Variants in PIP5K1B observed in about 807,000 individuals in gnomAD.
PIP5K1B encodes phosphatidylinositol 4-phosphate 5-kinase type-1 beta.
PIP5K1B carries 42 observed loss-of-function variants against 67.0 expected under a neutral mutation model. The ratio of observed to expected loss-of-function variants is 0.63; its 90% confidence interval spans 0.49 to 0.81. The LOEUF is 0.81. Among genes scored for constraint, PIP5K1B ranks in the 30% least tolerant of loss-of-function variants. The pLI is 0.00. For synonymous variants in PIP5K1B, 214 were observed against 231.4 expected (o/e 0.92, Z 0.68); for missense variants, 459 against 646.3 (o/e 0.71, Z 3.14).
intron 13 of PIP5K1B, among the ~76,000 whole-genome samples, chr9:68,937,702 G>A (rs1266295329): frequency 6.6e-6 from 1 of 152,140 alleles, no homozygotes; most frequent in Non-Finnish European, 1.5e-5. Context: ...ATGTTATGGT[G>A]TCAATTTCAG....
chr9:68,806,366 T>C (rs1401394993), intron 2 of PIP5K1B, among the ~76,000 whole-genome samples: 1 of 152,222 alleles, frequency 6.6e-6, no homozygotes, highest in Non-Finnish European at 1.5e-5. Context: ...GGCTCCTTCC[T>C]TTCAGCCTGC....
chr9:68,917,513 G>C lies in PIP5K1B; in HGVS notation c.772-35G>C, dbSNP rs770978175. On this transcript the variant is annotated intron_variant, in intron 8 of 15. Coordinates refer to ENST00000265382, the MANE Select transcript of PIP5K1B (RefSeq NM_003558.4). ...AGTAGATGAGACGAACAGGCCTTTG[G>C]GTTGACTGGCTTCCTGGTTCTTTTT... is the stretch of plus-strand genomic sequence containing the variant. 3 of 1,517,372 alleles carry C rather than the reference G, an allele frequency of 2.0e-6. No homozygotes were observed. The South Asian group carries it at 3.4e-5, about 17-fold the overall frequency. 94.0% of individuals were successfully genotyped at this position (1,517,372 alleles called of 1,614,324 possible).
chr9:68,881,441 T>C (rs1265892316), intron 6 of PIP5K1B, among the ~76,000 whole-genome samples: 1 of 152,184 alleles, frequency 6.6e-6, no homozygotes, highest in Non-Finnish European at 1.5e-5. Context: ...GCTGTCAAAC[T>C]GGGGCTACTC....
chr9:68,943,591 T>C (rs1364433906), intron 14 of PIP5K1B, among the ~76,000 whole-genome samples: 4 of 151,876 alleles, frequency 2.6e-5, no homozygotes, highest in Admixed American at 2.6e-4. Flanking sequence ...GACACTACTC[T>C]AAATCTCATC....
chr9:68,795,760 A>G (rs1832256074), intron 2 of PIP5K1B, among the ~76,000 whole-genome samples: 1 of 152,228 alleles, frequency 6.6e-6, no homozygotes, highest in Non-Finnish European at 1.5e-5. Context: ...AACATTCATG[A>G]AAATTTCTGG....
intron 12 of PIP5K1B, among the ~76,000 whole-genome samples, chr9:68,933,938 C>G (rs1384420708): frequency 6.6e-6 from 1 of 152,112 alleles, no homozygotes; most frequent in Admixed American, 6.5e-5. Context: ...ATTCCCAAGG[C>G]TAAACACAAT....
intron 8 of PIP5K1B, among the ~76,000 whole-genome samples, chr9:68,897,829 G>T (rs886618182): frequency 6.6e-6 from 1 of 151,436 alleles, no homozygotes. Flanking sequence ...TCATATTTTG[G>T]CTTGACATCT....
At chr9:68,739,552 C>A (rs568678572) in intron 1 of PIP5K1B, among the ~76,000 whole-genome samples, 1 of 152,218 alleles carries the variant, frequency 6.6e-6, no homozygotes, top group Non-Finnish European at 1.5e-5. Context: ...ACATAAATTT[C>A]AGCCTCCTTC....
intron 1 of PIP5K1B, among the ~76,000 whole-genome samples, chr9:68,726,912 T>C (rs1377926736): frequency 6.6e-6 from 1 of 152,166 alleles, no homozygotes; most frequent in Non-Finnish European, 1.5e-5. Flanking sequence ...TCTTTTCATG[T>C]GCCTATTTGC....
At chr9:68,996,300 T>C (rs1432970424) in intron 15 of PIP5K1B, among the ~76,000 whole-genome samples, 1 of 152,216 alleles carries the variant, frequency 6.6e-6, no homozygotes, top group Non-Finnish European at 1.5e-5. Context: ...TGTTCCATCA[T>C]CCTTAGTGAG....
intron 14 of PIP5K1B, among the ~76,000 whole-genome samples, chr9:68,979,605 A>G (rs886430634): frequency 6.6e-6 from 1 of 152,218 alleles, no homozygotes; most frequent in African/African-American, 2.4e-5. Context: ...GAGGCTGCTC[A>G]TGGCAGGAGC....
chr9:68,713,591 C>G (rs1353060454), intron 1 of PIP5K1B, among the ~76,000 whole-genome samples: 1 of 152,112 alleles, frequency 6.6e-6, no homozygotes. Context: ...TCTGCCTGCT[C>G]CTTCAGAAAT....
At chr9:68,780,629 G>C in intron 2 of PIP5K1B, 1 of 1,614,230 alleles carries the variant, frequency 6.2e-7, no homozygotes, top group South Asian at 1.1e-5. Flanking sequence ...TTGGGAAGCA[G>C]TGTTTTTCGC....
At chr9:68,745,607 T>C (rs1829256643) in intron 2 of PIP5K1B, among the ~76,000 whole-genome samples, 1 of 152,180 alleles carries the variant, frequency 6.6e-6, no homozygotes, top group South Asian at 2.1e-4. Context: ...CACTCCAGCC[T>C]CTTCCTCTCC....
At chr9:68,975,638 G>C (rs1281525932) in intron 14 of PIP5K1B, among the ~76,000 whole-genome samples, 1 of 152,124 alleles carries the variant, frequency 6.6e-6, no homozygotes, top group Non-Finnish European at 1.5e-5. Context: ...GAACTGGATG[G>C]CTTAAACAAC....
At chr9:68,988,761 T>G (rs1019265574) in intron 14 of PIP5K1B, among the ~76,000 whole-genome samples, 1 of 151,762 alleles carries the variant, frequency 6.6e-6, no homozygotes, top group Non-Finnish European at 1.5e-5. Context: ...TCTTTATGAC[T>G]TTTGTAATCA....
At chr9:68,786,157 T>C (rs966629937) in intron 2 of PIP5K1B, 2 of 152,224 alleles carry the variant, frequency 1.3e-5, no homozygotes, top group Admixed American at 6.5e-5. Flanking sequence ...CAGCCAAGAT[T>C]TTCACCAGAT....
chr9:68,775,769 A>T (rs1679821269), intron 2 of PIP5K1B, among the ~76,000 whole-genome samples: 1 of 152,176 alleles, frequency 6.6e-6, no homozygotes, highest in African/African-American at 2.4e-5. Flanking sequence ...CTGTTTGGGG[A>T]CTTCATAACA....
chr9:68,772,464 C>G (rs1277690461), intron 2 of PIP5K1B, among the ~76,000 whole-genome samples: 1 of 152,128 alleles, frequency 6.6e-6, no homozygotes, highest in Non-Finnish European at 1.5e-5. Flanking sequence ...TGGGATTAGT[C>G]CCAATTGAAA....
Sources: allele counts gnomAD v4.1 joint callset (sites outside exome capture counted in the v4.1 genomes callset), GRCh38; gene constraint gnomAD v4.1.1; transcripts MANE v1.5; gene names NCBI Gene and HGNC (gene_info 2026-07-23, HGNC 2026-07-21).